PLA2G6: variants seen among roughly 807,000 people sequenced by gnomAD.
PLA2G6 encodes phospholipase A2 group VI, also known as 85/88 kDa calcium-independent phospholipase A2.
A neutral mutation model predicts 83.8 loss-of-function variants in PLA2G6; 62 were observed. The ratio of observed to expected loss-of-function variants is 0.74; its 90% CI spans 0.60 to 0.91. The LOEUF is 0.91. Among genes scored for constraint, PLA2G6 ranks in the 40% least tolerant of loss-of-function variants. The pLI is 0.00. For missense variants in PLA2G6, 944 were observed against 1,102.0 expected (o/e 0.86, Z 2.03); for synonymous variants, 417 against 449.8 (o/e 0.93, Z 0.92).
At chr22:38,177,622 T>C (rs133023) in intron 1 of PLA2G6, among the ~76,000 whole-genome samples, 77,716 of 151,504 alleles carry the variant, frequency 0.51, 20,460 homozygotes, top group South Asian at 0.64. Context: ...ACCACCACAC[T>C]CGGCTAATTT....
At chr22:38,138,116 G>A (rs2088666992) in intron 5 of PLA2G6, 1 of 152,380 alleles carries the variant, frequency 6.6e-6, no homozygotes, top group Non-Finnish European at 1.5e-5. Flanking sequence ...TGTTTGAAGA[G>A]AGAGAAAACT....
chr22:38,156,136 A>AT (rs2089768718), intron 2 of PLA2G6, among the ~76,000 whole-genome samples: 1 of 152,254 alleles, frequency 6.6e-6, no homozygotes, highest in African/African-American at 2.4e-5. Context: ...ACAATTTTAA[A>AT]TACATATGCA....
At position 38,114,568 on chromosome 22, in the gene PLA2G6, A is replaced by G. The variant is rs567888409; in HGVS notation, c.2035-914T>C. Among the ~76,000 whole-genome samples, 7 of 152,236 alleles carry G rather than the reference A, an allele frequency of 4.6e-5. No individual in the cohort carries two copies. In the South Asian group the frequency reaches 1.5e-3, roughly 32 times the overall value. On this transcript the variant is annotated intron_variant, in intron 14 of 16. Transcript: ENST00000332509. ...GGTGATGCCTCCCACTCTGGGTCCC[A>G]GGCTCCCCATCCGCACGCAATAGGA...
rs1004600771 is a variant in PLA2G6, at chr22:38,123,759, G to A, written c.1428-501C>T. Reference sequence around the variant, plus strand: ...AGGAAGGGAGAGGTTCATGCCAGGGGCTATGGGAGGGGTGCTACCAGCATT... The same window carrying A: ...AGGAAGGGAGAGGTTCATGCCAGGGACTATGGGAGGGGTGCTACCAGCATT... On this transcript the variant is annotated intron_variant, in intron 10 of 16. Coordinates refer to ENST00000332509, the MANE Select transcript of PLA2G6 (RefSeq NM_003560.4). This position sits in a 1 kb window ranked among gnomAD's most constrained non-coding sequence, Gnocchi z 4.1. Among the ~76,000 whole-genome samples the A allele has an allele frequency of 6.6e-6, 1 of 152,112 alleles. No homozygotes were observed. Among genetic ancestry groups the A allele is most frequent in the Non-Finnish European group, 1.5e-5 (1 of 68,020 alleles).
At chr22:38,156,568 C>T (rs983590435) in intron 2 of PLA2G6, among the ~76,000 whole-genome samples, 4 of 152,116 alleles carry the variant, frequency 2.6e-5, no homozygotes, top group Middle Eastern at 6.4e-3. Context: ...ATTCTCCTGC[C>T]TCAGCCTCCT....
In PLA2G6 at chr22:38,111,917, A is replaced by C; in HGVS notation, c.*244T>G. ...GTCAGTTGTCCTTGACAGTCAGGGAAAGGGGCCAAAGGGGGCTCTAGACTT... is the reference window on the plus strand; with the variant it reads ...GTCAGTTGTCCTTGACAGTCAGGGACAGGGGCCAAAGGGGGCTCTAGACTT... On this transcript the variant is annotated 3_prime_UTR_variant, in exon 17 of 17. Transcript: ENST00000332509. 3.5e-6 allele frequency: 2 copies of C among 569,784 alleles called. No homozygotes were observed. The highest frequency in any genetic ancestry group is 6.3e-6 in the Non-Finnish European group (2 of 317,026). The allele number at this position is 569,784 out of a possible 1,614,324, so 35.3% of individuals were successfully genotyped here. A position where few individuals can be genotyped will look rare whatever the true frequency, so the allele number is the denominator to read the frequency against.
intron 6 of PLA2G6, 36 bp from the exon 7 acceptor site, chr22:38,133,049 C>G (rs1344107608): frequency 6.5e-7 from 1 of 1,540,286 alleles, no homozygotes; most frequent in Non-Finnish European, 8.7e-7. Flanking sequence ...AGCACAGGCA[C>G]TCGGGGAGCT....
intron 3 of PLA2G6, chr22:38,143,669 G>A: frequency 2.6e-6 from 1 of 378,034 alleles, no homozygotes. Flanking sequence ...CCCAGGAAAT[G>A]GACAGAGTGA....
intron 4 of PLA2G6, 23 bp downstream of exon 4, chr22:38,143,082 A>G: frequency 6.2e-7 from 1 of 1,610,882 alleles, no homozygotes; most frequent in South Asian, 1.1e-5. Context: ...AGTACCAGTC[A>G]CCCTGCCCCT....
intron 4 of PLA2G6, chr22:38,140,476 C>T: frequency 5.5e-6 from 2 of 360,768 alleles, no homozygotes; most frequent in East Asian, 1.3e-4. Flanking sequence ...TCATTGCACT[C>T]TAGCCTGGGC....
At chr22:38,157,680 T>C (rs1234509851) in intron 2 of PLA2G6, among the ~76,000 whole-genome samples, 1 of 152,152 alleles carries the variant, frequency 6.6e-6, no homozygotes, top group African/African-American at 2.4e-5. Flanking sequence ...GTATCCCTGA[T>C]GGATATTGAT....
At chr22:38,145,398 T>TAC (rs2089187388) in intron 3 of PLA2G6, 40 bp downstream of exon 3, 1 of 1,504,526 alleles carries the variant, frequency 6.6e-7, no homozygotes, top group Non-Finnish European at 9.1e-7. Flanking sequence ...CACAAGCAGG[T>TAC]ACACACACGT....
intron 2 of PLA2G6, among the ~76,000 whole-genome samples, chr22:38,162,185 G>A (rs553725405): frequency 1.3e-5 from 2 of 148,372 alleles, no homozygotes; most frequent in South Asian, 4.3e-4. Flanking sequence ...CTCCAGCCTG[G>A]GCAACAGAGC....
In PLA2G6 at chr22:38,116,851, C is replaced by CAAAAAAAAAAAAAAAAA. The variant is rs57712042; in HGVS notation, c.1743-657_1743-641dup. Among the ~76,000 whole-genome samples, 11 of 37,660 alleles carry CAAAAAAAAAAAAAAAAA rather than the reference C, an allele frequency of 2.9e-4. 1 individual carries two copies. Among genetic ancestry groups the CAAAAAAAAAAAAAAAAA allele is most frequent in the Non-Finnish European group, 3.5e-4 (7 of 19,868 alleles). The allele number at this position is 37,660 out of a possible 152,430, so 24.7% of individuals were successfully genotyped here. A position where few individuals can be genotyped will look rare whatever the true frequency, so the allele number is the denominator to read the frequency against. On this transcript the variant is annotated intron_variant, in intron 12 of 16. Coordinates refer to ENST00000332509, the MANE Select transcript of PLA2G6 (RefSeq NM_003560.4). ...GGGCGATAAGAGTGAAACTCCGTCT[C>CAAAAAAAAAAAAAAAAA]AAAAAAAAAAAAAAAAAAAAAAAAA...
chr22:38,169,760 C>G (rs1030060629), intron 1 of PLA2G6, among the ~76,000 whole-genome samples: 2 of 152,236 alleles, frequency 1.3e-5, no homozygotes, highest in African/African-American at 4.8e-5. Context: ...AGTGTCCCAG[C>G]AGAGACTCAG....
At chr22:38,175,346 C>G (rs2090592988) in intron 1 of PLA2G6, among the ~76,000 whole-genome samples, 1 of 152,116 alleles carries the variant, frequency 6.6e-6, no homozygotes, top group Non-Finnish European at 1.5e-5. Context: ...CGATGCAAAT[C>G]CAGCTGCAGG....
intron 2 of PLA2G6, among the ~76,000 whole-genome samples, chr22:38,158,623 T>C (rs1016177116): frequency 6.6e-6 from 1 of 152,230 alleles, no homozygotes; most frequent in Non-Finnish European, 1.5e-5. Context: ...TTGGAGAACA[T>C]AGTCTAAATC....
intron 12 of PLA2G6, among the ~76,000 whole-genome samples, chr22:38,118,262 G>C (rs2087326175): frequency 1.3e-5 from 2 of 152,172 alleles, no homozygotes; most frequent in Non-Finnish European, 2.9e-5. Flanking sequence ...ACCAAAGTGA[G>C]GTGTGGAGCT....
Position 38,143,744 on chromosome 22 carries a change from T to A in PLA2G6, c.426-456A>T, listed in dbSNP as rs188471620. On this transcript the variant is annotated intron_variant, in intron 3 of 16. Coordinates refer to ENST00000332509, the MANE Select transcript of PLA2G6 (RefSeq NM_003560.4). ...AACTAAAGTGCAGTGAGGGTTTTTG[T>A]TTTGTTTTGTTTTTTTGAGGTGGAG... 50 of 299,308 alleles carry A rather than the reference T, an allele frequency of 1.7e-4. 1 individual carries two copies. Among genetic ancestry groups the A allele is most frequent in the African/African-American group, 9.7e-4 (45 of 46,252 alleles). 18.5% of individuals were successfully genotyped at this position (299,308 alleles called of 1,614,324 possible).
Sources: allele counts gnomAD v4.1 joint callset (sites outside exome capture counted in the v4.1 genomes callset), GRCh38; gene constraint gnomAD v4.1.1; non-coding constraint Gnocchi (gnomAD v3.1); transcripts MANE v1.5; gene names NCBI Gene and HGNC (gene_info 2026-07-23, HGNC 2026-07-21).